The following SSBP3 variants were observed in gnomAD, a reference collection of about 807,000 sequenced individuals.
SSBP3 encodes the protein single-stranded DNA-binding protein 3.
SSBP3 carries 5 observed loss-of-function variants against 69.6 expected under a neutral mutation model. That is an observed-to-expected ratio of 0.07 (90% CI 0.04 to 0.15). The LOEUF (loss-of-function observed/expected upper bound fraction) is 0.15, where lower values mean the gene tolerates loss of function less well. Among genes scored for constraint, SSBP3 ranks in the 10% least tolerant of loss-of-function variants. The pLI, the probability that SSBP3 is intolerant of heterozygous loss-of-function variation, is 1.00. For synonymous variants in SSBP3, 196 were observed against 193.4 expected, an observed-to-expected ratio of 1.01 and a Z score of -0.11; for missense variants, 312 against 534.0, an observed-to-expected ratio of 0.58 and a Z score of 4.10.
chr1:54,341,970 G>C lies in SSBP3; in HGVS notation c.276+59891C>G, dbSNP rs1414008060. Among the ~76,000 whole-genome samples, 4 of 152,326 alleles carry C rather than the reference G, an allele frequency of 2.6e-5. No individual in the cohort carries two copies. In the East Asian group the frequency reaches 5.8e-4, roughly 22 times the overall value. On this transcript the variant is annotated intron_variant, in intron 4 of 17. Transcript: ENST00000610401. ...CCAATGTGGCTGGAGGGCAAAGAGGGAGGAGGCTGGAGGGCAAAGTTGTCC... is the reference window on the plus strand; with the variant it reads ...CCAATGTGGCTGGAGGGCAAAGAGGCAGGAGGCTGGAGGGCAAAGTTGTCC...
At chr1:54,300,850 G>A (rs1001487811) in intron 4 of SSBP3, among the ~76,000 whole-genome samples, 40 of 152,268 alleles carry the variant, frequency 2.6e-4, no homozygotes, top group African/African-American at 9.1e-4. Context: ...TCAGAGAGAA[G>A]GGCAAAGCAA....
chr1:54,285,956 C>A (rs1312361403), intron 4 of SSBP3, among the ~76,000 whole-genome samples: 1 of 152,142 alleles, frequency 6.6e-6, no homozygotes, highest in Non-Finnish European at 1.5e-5. Flanking sequence ...GAGGAGATGA[C>A]CACTAAGGCT....
At chr1:54,363,582 G>T (rs1026309062) in intron 4 of SSBP3, among the ~76,000 whole-genome samples, 14 of 152,070 alleles carry the variant, frequency 9.2e-5, no homozygotes, top group African/African-American at 1.9e-4. Context: ...GAAATAGACT[G>T]AAAAATAAGT....
At chr1:54,255,150 CGGGGGGGCGGGG>C (rs1354006675) in intron 7 of SSBP3, among the ~76,000 whole-genome samples, 1 of 1,358 alleles carries the variant, frequency 7.4e-4, no homozygotes, top group Non-Finnish European at 1.8e-3. Flanking sequence ...ATTTCTATTG[CGGGGGGGCGGGG>C]GGGGGGGTGG....
At chr1:54,281,441 A>T (rs887542463) in exon 5 of SSBP3, 1 of 1,561,904 alleles carries the variant, frequency 6.4e-7, no homozygotes, top group Non-Finnish European at 8.7e-7. Context: ...CACGTACCTG[A>T]AAGAAACCTG....
At chr1:54,410,394 G>C (rs1410246263), upstream of SSBP3, among the ~76,000 whole-genome samples, 1 of 152,220 alleles carries the variant, frequency 6.6e-6, no homozygotes, top group African/African-American at 2.4e-5. Context: ...GACTGTGCTT[G>C]CCAAGGATGC....
intron 4 of SSBP3, among the ~76,000 whole-genome samples, chr1:54,401,291 A>G (rs1057013522): frequency 9.8e-5 from 15 of 152,290 alleles, no homozygotes; most frequent in African/African-American, 3.4e-4. Context: ...CTTCACAAGA[A>G]TATTTTGGCC....
chr1:54,257,429 G>A (rs1644941273), intron 6 of SSBP3, among the ~76,000 whole-genome samples: 1 of 151,972 alleles, frequency 6.6e-6, no homozygotes, highest in Non-Finnish European at 1.5e-5. Flanking sequence ...GGTGGGAAGG[G>A]CAGCGGCTGG....
chr1:54,397,293 C>G (rs1184791367), intron 4 of SSBP3, among the ~76,000 whole-genome samples: 1 of 152,218 alleles, frequency 6.6e-6, no homozygotes, highest in Admixed American at 6.5e-5. Context: ...CGAAAGGGTT[C>G]TGGCAGGCAT....
intron 4 of SSBP3, among the ~76,000 whole-genome samples, chr1:54,354,377 C>A (rs1298343940): frequency 1.3e-5 from 2 of 152,218 alleles, no homozygotes; most frequent in Non-Finnish European, 2.9e-5. Flanking sequence ...AATGCTGGGA[C>A]CCTCAATGGA....
At chr1:54,283,140 G>A (rs557756069) in intron 4 of SSBP3, among the ~76,000 whole-genome samples, 6 of 152,154 alleles carry the variant, frequency 3.9e-5, no homozygotes, top group Middle Eastern at 3.4e-3. Flanking sequence ...GGTGGTGGGC[G>A]CCTGCAATCC....
intron 4 of SSBP3, among the ~76,000 whole-genome samples, chr1:54,370,277 A>G (rs1557571511): frequency 6.6e-6 from 1 of 152,210 alleles, no homozygotes; most frequent in Admixed American, 6.5e-5. Flanking sequence ...AACGACCAGG[A>G]AACAACATCA....
chr1:54,316,361 C>T (rs1002844022), intron 4 of SSBP3, among the ~76,000 whole-genome samples: 4 of 134,924 alleles, frequency 3.0e-5, no homozygotes, highest in East Asian at 4.6e-4. Flanking sequence ...ATAAATAGGC[C>T]GGGCGCGGTG....
At chr1:54,239,337 T>G in intron 13 of SSBP3, 138 bp from the exon 14 acceptor site, 2 of 668,758 alleles carry the variant, frequency 3.0e-6, no homozygotes, top group Non-Finnish European at 5.0e-6. Flanking sequence ...CTGGCTAATT[T>G]GTATTTAATG....
At chr1:54,272,982 C>G (rs983048632) in intron 5 of SSBP3, among the ~76,000 whole-genome samples, 5 of 151,824 alleles carry the variant, frequency 3.3e-5, no homozygotes, top group East Asian at 1.9e-4. Flanking sequence ...ACTCCTTCCC[C>G]CTTCCCTCCC....
chr1:54,395,551 G>C (rs77642259), intron 4 of SSBP3, among the ~76,000 whole-genome samples: 170 of 152,308 alleles, frequency 1.1e-3, no homozygotes, highest in African/African-American at 4.0e-3. Context: ...GGGGGTGCAG[G>C]GGTGAGACAT....
At chr1:54,234,587 AACAG>A (rs1365612914) in intron 14 of SSBP3, among the ~76,000 whole-genome samples, 1 of 151,958 alleles carries the variant, frequency 6.6e-6, no homozygotes, top group Admixed American at 6.6e-5. Context: ...CCTATCTCTA[AACAG>A]ACAAACAAAC....
intron 4 of SSBP3, among the ~76,000 whole-genome samples, chr1:54,378,165 A>G (rs1647331266): frequency 6.6e-6 from 1 of 152,186 alleles, no homozygotes; most frequent in Non-Finnish European, 1.5e-5. Flanking sequence ...TCCCATTTTT[A>G]TAACAAATGA....
At chr1:54,325,771 G>A (rs1004427411) in intron 4 of SSBP3, among the ~76,000 whole-genome samples, 1 of 152,186 alleles carries the variant, frequency 6.6e-6, no homozygotes, top group African/African-American at 2.4e-5. Context: ...GACTGCCGAT[G>A]TCAATTCATT....
Sources: gnomAD v4.1 joint callset for allele counts (sites outside exome capture counted in the v4.1 genomes callset) on GRCh38, gnomAD v4.1.1 for gene constraint, MANE v1.5 for transcripts, NCBI Gene and HGNC (gene_info 2026-07-23, HGNC 2026-07-21) for gene names.